Variants in LAMA2 observed in about 807,000 individuals in gnomAD.
LAMA2 encodes the protein laminin subunit alpha 2.
A neutral mutation model predicts 364.8 loss-of-function variants in LAMA2; 269 were observed. The ratio of observed to expected loss-of-function variants is 0.74; its 90% CI spans 0.67 to 0.82. The LOEUF is 0.82. Ranked by LOEUF, LAMA2 falls within the 40% of genes least tolerant of loss-of-function variation. The pLI, the probability that LAMA2 is intolerant of heterozygous loss-of-function variation, is 0.00. For synonymous variants in LAMA2, 1,379 were observed against 1,370.6 expected, an observed-to-expected ratio of 1.01 and a Z score of -0.14; for missense variants, 3,807 against 3,873.2, an observed-to-expected ratio of 0.98 and a Z score of 0.45.
intron 29 of LAMA2, among the ~76,000 whole-genome samples, chr6:129,334,662 A>T (rs1775845598): frequency 6.6e-6 from 1 of 152,216 alleles, no homozygotes; most frequent in African/African-American, 2.4e-5. Flanking sequence ...GCTTATAAAT[A>T]ACAGAAACTT....
At chr6:129,366,437 G>T (rs982638197) in intron 33 of LAMA2, 76 bp downstream of exon 33, 192 of 1,514,544 alleles carry the variant, frequency 1.3e-4, no homozygotes, top group Non-Finnish European at 1.7e-4. Context: ...GCTGTAATTG[G>T]TAAATGTTCT....
chr6:129,318,252 A>G (rs1774738453), intron 27 of LAMA2, among the ~76,000 whole-genome samples: 1 of 152,158 alleles, frequency 6.6e-6, no homozygotes, highest in Non-Finnish European at 1.5e-5. Flanking sequence ...AACTTTGTAC[A>G]TTGTATCAGT....
intron 1 of LAMA2, among the ~76,000 whole-genome samples, chr6:129,012,635 C>T (rs1184937302): frequency 6.6e-6 from 1 of 152,124 alleles, no homozygotes; most frequent in African/African-American, 2.4e-5. Context: ...CACTGAAGGA[C>T]AAGAATATTC....
intron 44 of LAMA2, among the ~76,000 whole-genome samples, chr6:129,443,773 T>A (rs2114771337): frequency 6.6e-6 from 1 of 152,154 alleles, no homozygotes; most frequent in African/African-American, 2.4e-5. Flanking sequence ...ACTAAAAAAA[T>A]AGCTACAAAA....
intron 2 of LAMA2, among the ~76,000 whole-genome samples, chr6:129,053,663 T>C (rs1278354825): frequency 2.0e-5 from 3 of 152,222 alleles, no homozygotes; most frequent in African/African-American, 7.2e-5. Flanking sequence ...GATAATTGAG[T>C]AAGAAAAGCA....
intron 1 of LAMA2, among the ~76,000 whole-genome samples, chr6:128,978,756 TAGAC>T (rs1582811403): frequency 6.6e-6 from 1 of 152,210 alleles, no homozygotes; most frequent in Non-Finnish European, 1.5e-5. Flanking sequence ...ATCTACAAGA[TAGAC>T]AGCAGTCAGT....
chr6:129,180,693 GAT>G (rs1780874682), intron 10 of LAMA2, among the ~76,000 whole-genome samples: 1 of 152,026 alleles, frequency 6.6e-6, no homozygotes, highest in Non-Finnish European at 1.5e-5. Flanking sequence ...TAAAAATACA[GAT>G]ATGCTGCATA....
At chr6:129,309,494 A>G (rs1205912702) in intron 22 of LAMA2, among the ~76,000 whole-genome samples, 1 of 152,246 alleles carries the variant, frequency 6.6e-6, no homozygotes, top group Non-Finnish European at 1.5e-5. Flanking sequence ...TTAGTTAAAG[A>G]TAAAGATGCC....
intron 3 of LAMA2, among the ~76,000 whole-genome samples, chr6:129,066,701 C>G (rs1300932878): frequency 3.3e-5 from 5 of 152,136 alleles, no homozygotes; most frequent in Admixed American, 1.3e-4. Context: ...GTAATCAAAA[C>G]AGTATGCTGC....
chr6:129,021,513 G>A (rs1191362770), intron 1 of LAMA2, among the ~76,000 whole-genome samples: 2 of 152,146 alleles, frequency 1.3e-5, no homozygotes, highest in Non-Finnish European at 2.9e-5. Context: ...AAGCTAAGAA[G>A]CTCTCATGTT....
chr6:129,368,672 C>T (rs1460421409), intron 33 of LAMA2, among the ~76,000 whole-genome samples: 2 of 152,138 alleles, frequency 1.3e-5, no homozygotes, highest in African/African-American at 2.4e-5. Context: ...TCTTCTAAGC[C>T]AAGGGATTCA....
intron 44 of LAMA2, 43 bp downstream of exon 44, chr6:129,443,111 C>T: frequency 6.7e-7 from 1 of 1,490,468 alleles, no homozygotes; most frequent in Non-Finnish European, 9.2e-7. Flanking sequence ...AACGCTCATG[C>T]TTCATTGCCT....
At chr6:129,300,906 T>C in intron 22 of LAMA2, 34 bp downstream of exon 22, 2 of 1,612,140 alleles carry the variant, frequency 1.2e-6, no homozygotes, top group South Asian at 1.1e-5. Flanking sequence ...TGATAATTTT[T>C]TGGAGAGATT....
At chr6:129,468,201 T>G (rs181991494) in intron 51 of LAMA2, among the ~76,000 whole-genome samples, 1 of 151,936 alleles carries the variant, frequency 6.6e-6, no homozygotes, top group Admixed American at 6.6e-5. Context: ...ATTGTATCTC[T>G]ATGGTATCAC....
intron 4 of LAMA2, among the ~76,000 whole-genome samples, chr6:129,118,713 A>G (rs1659803589): frequency 1.3e-5 from 2 of 152,242 alleles, no homozygotes; most frequent in Non-Finnish European, 1.5e-5. Flanking sequence ...ACTGGAACAT[A>G]TGCCAAGAGT....
chr6:129,326,316 C>T (rs1017068339), intron 28 of LAMA2, among the ~76,000 whole-genome samples: 1 of 152,144 alleles, frequency 6.6e-6, no homozygotes, highest in Admixed American at 6.5e-5. Context: ...GGACCACAGA[C>T]TCCCACTATG....
At chr6:128,976,689 C>G (rs1404773778) in intron 1 of LAMA2, among the ~76,000 whole-genome samples, 1 of 152,072 alleles carries the variant, frequency 6.6e-6, no homozygotes, top group East Asian at 1.9e-4. Context: ...TGTTGACATT[C>G]CTGAGAAATG....
At chr6:129,168,563 T>C (rs1779914283) in intron 9 of LAMA2, among the ~76,000 whole-genome samples, 2 of 150,106 alleles carry the variant, frequency 1.3e-5, no homozygotes, top group Admixed American at 6.6e-5. Flanking sequence ...TTTTGGTTAC[T>C]GTAGACTTGT....
At chr6:129,020,382 C>A (rs887433207) in intron 1 of LAMA2, among the ~76,000 whole-genome samples, 10 of 152,120 alleles carry the variant, frequency 6.6e-5, no homozygotes, top group Non-Finnish European at 1.0e-4. Flanking sequence ...TGAGAAAAGG[C>A]ATACACATTC....
Sources: gnomAD v4.1 joint callset for allele counts (sites outside exome capture counted in the v4.1 genomes callset) on GRCh38, gnomAD v4.1.1 for gene constraint, MANE v1.5 for transcripts, NCBI Gene and HGNC (gene_info 2026-07-23, HGNC 2026-07-21) for gene names.